IGF1R: variants seen among roughly 807,000 people sequenced by gnomAD.
The protein encoded by IGF1R is insulin-like growth factor 1 receptor.
In IGF1R, 44 loss-of-function variants were observed where a neutral mutation model predicts 144.6. The observed-to-expected ratio is 0.30, with a 90% confidence interval of 0.24 to 0.39. The LOEUF (loss-of-function observed/expected upper bound fraction) is 0.39, where lower values mean the gene tolerates loss of function less well. Ranked by LOEUF, IGF1R falls within the 10% of genes least tolerant of loss-of-function variation. The probability of loss-of-function intolerance (pLI) is 1.00; values close to 1 mark genes in which losing one functional copy is unlikely to be tolerated. For synonymous variants in IGF1R, 795 were observed against 722.8 expected, an observed-to-expected ratio of 1.10 and a Z score of -1.60; for missense variants, 1,355 against 1,833.7, an observed-to-expected ratio of 0.74 and a Z score of 4.77.
At chr15:98,773,434 C>T (rs145902849) in intron 2 of IGF1R, among the ~76,000 whole-genome samples, 14 of 152,212 alleles carry the variant, frequency 9.2e-5, no homozygotes, top group African/African-American at 2.4e-4. Context: ...GATTGCTTAC[C>T]GCTCCAGACA....
At chr15:98,690,827 G>A (rs1249760606) in intron 1 of IGF1R, among the ~76,000 whole-genome samples, 3 of 152,132 alleles carry the variant, frequency 2.0e-5, no homozygotes, top group Non-Finnish European at 2.9e-5. Flanking sequence ...ACTGGGGGCG[G>A]CAGGGTGGGG....
chr15:98,786,459 T>C (rs1054540302), intron 2 of IGF1R, among the ~76,000 whole-genome samples: 4 of 152,218 alleles, frequency 2.6e-5, no homozygotes, highest in African/African-American at 7.2e-5. Flanking sequence ...GGCCATGTGC[T>C]GCAGCGAATG....
intron 13 of IGF1R, among the ~76,000 whole-genome samples, chr15:98,928,744 A>G (rs930971087): frequency 6.6e-5 from 10 of 151,992 alleles, no homozygotes; most frequent in African/African-American, 2.2e-4. Flanking sequence ...CTAATTTCCC[A>G]TGTCCCACAG....
chr15:98,934,763 A>G, intron 15 of IGF1R, 61 bp from the exon 16 acceptor site: 2 of 1,443,630 alleles, frequency 1.4e-6, no homozygotes, highest in Non-Finnish European at 1.9e-6. Context: ...GAGTTCCCCC[A>G]AAGCACGTTC....
At chr15:98,656,329 C>T (rs181299854) in intron 1 of IGF1R, among the ~76,000 whole-genome samples, 30 of 152,294 alleles carry the variant, frequency 2.0e-4, no homozygotes, top group Admixed American at 9.2e-4. Flanking sequence ...GTGGGCAGAT[C>T]ACTTGAGGTC....
chr15:98,899,360 G>A (rs987227409), intron 4 of IGF1R, 117 bp from the exon 5 acceptor site: 3 of 993,036 alleles, frequency 3.0e-6, no homozygotes, highest in Non-Finnish European at 4.7e-6. Flanking sequence ...GTCCTGTGCT[G>A]GGAGCATCTC....
intron 1 of IGF1R, among the ~76,000 whole-genome samples, chr15:98,696,072 A>G (rs1179840145): frequency 6.8e-6 from 1 of 147,754 alleles, no homozygotes; most frequent in Non-Finnish European, 1.5e-5. Flanking sequence ...ATCGTCACAT[A>G]CAGAAATTAT....
At chr15:98,779,829 A>G (rs62022090) in intron 2 of IGF1R, among the ~76,000 whole-genome samples, 3,525 of 152,294 alleles carry the variant, frequency 0.023, 61 homozygotes, top group Non-Finnish European at 0.038. Flanking sequence ...GCCTGTTGGC[A>G]CAGGGGTGAA....
intron 2 of IGF1R, among the ~76,000 whole-genome samples, chr15:98,870,565 C>G (rs1325380971): frequency 1.3e-5 from 2 of 152,092 alleles, no homozygotes; most frequent in African/African-American, 4.8e-5. Context: ...AAGAAAACAG[C>G]CAGTGTGGTT....
chr15:98,738,743 C>T (rs1273891367), intron 2 of IGF1R, among the ~76,000 whole-genome samples: 2 of 152,146 alleles, frequency 1.3e-5, no homozygotes, highest in African/African-American at 4.8e-5. Context: ...TGGTAATGCC[C>T]AGCATTCTCT....
At chr15:98,672,583 A>G (rs1408491200) in intron 1 of IGF1R, among the ~76,000 whole-genome samples, 1 of 151,870 alleles carries the variant, frequency 6.6e-6, no homozygotes, top group Non-Finnish European at 1.5e-5. Context: ...AAAAAAAAAA[A>G]AAAAAAAGTG....
intron 2 of IGF1R, among the ~76,000 whole-genome samples, chr15:98,722,830 G>A (rs537588851): frequency 6.6e-6 from 1 of 152,268 alleles, no homozygotes; most frequent in South Asian, 2.1e-4. Flanking sequence ...GAGAGAGCAG[G>A]CACTGAGTGC....
rs960697631 is a variant in IGF1R at position 98,959,559 on chromosome 15, T to G, written c.*2117T>G. The G allele has an allele frequency of 6.4e-5, 15 of 233,452 alleles. No homozygotes were observed. Among genetic ancestry groups the G allele is most frequent in the Non-Finnish European group, 1.2e-4 (14 of 118,004 alleles). 14.5% of individuals were successfully genotyped at this position (233,452 alleles called of 1,614,324 possible). A position where few individuals can be genotyped will look rare whatever the true frequency, so the allele number is the denominator to read the frequency against. On this transcript the variant is annotated 3_prime_UTR_variant, in exon 21 of 21. Coordinates refer to ENST00000650285, the MANE Select transcript of IGF1R (RefSeq NM_000875.5). ...GGTGGCCCAAGAGCCCCTTTGCTTC[T>G]TGCTGGGGGACCAGGGCTGTGGTGC...
At chr15:98,877,560 T>TG (rs1270579458) in intron 2 of IGF1R, among the ~76,000 whole-genome samples, 3 of 148,080 alleles carry the variant, frequency 2.0e-5, no homozygotes, top group Admixed American at 6.8e-5. Context: ...GAATGTGCTG[T>TG]GGCCTCTAGA....
chr15:98,811,887 C>G (rs879668839), intron 2 of IGF1R, among the ~76,000 whole-genome samples: 1 of 152,230 alleles, frequency 6.6e-6, no homozygotes, highest in East Asian at 1.9e-4. Flanking sequence ...CGCGCCACTG[C>G]AGTCCAGCCT....
intron 2 of IGF1R, among the ~76,000 whole-genome samples, chr15:98,788,697 G>T (rs2056062813): frequency 6.6e-6 from 1 of 152,190 alleles, no homozygotes; most frequent in Non-Finnish European, 1.5e-5. Flanking sequence ...GACAGCTCTG[G>T]GAGGCCAGTG....
chr15:98,762,742 T>A (rs563970788), intron 2 of IGF1R, among the ~76,000 whole-genome samples: 51 of 150,438 alleles, frequency 3.4e-4, no homozygotes, highest in East Asian at 2.4e-3. Context: ...AAAACAAAAC[T>A]AAAACAAAAA....
chr15:98,900,610 A>T (rs1367099594), intron 5 of IGF1R: 3 of 152,212 alleles, frequency 2.0e-5, no homozygotes, highest in Non-Finnish European at 2.9e-5. Context: ...GCAGCTCTTC[A>T]TTCCATCCTT....
intron 1 of IGF1R, among the ~76,000 whole-genome samples, chr15:98,657,355 C>T (rs2052510784): frequency 6.6e-6 from 1 of 152,200 alleles, no homozygotes; most frequent in Admixed American, 6.5e-5. Context: ...ACTGCATCAG[C>T]TTACAAAGTG....
Sources: gnomAD v4.1 joint callset for allele counts (sites outside exome capture counted in the v4.1 genomes callset) on GRCh38, gnomAD v4.1.1 for gene constraint, MANE v1.5 for transcripts, NCBI Gene and HGNC (gene_info 2026-07-23, HGNC 2026-07-21) for gene names.